The following MBOAT1 variants were observed in gnomAD, a reference collection of about 807,000 sequenced individuals.
MBOAT1 encodes membrane-bound glycerophospholipid O-acyltransferase 1.
Under a neutral mutation model 64.4 loss-of-function variants are expected in MBOAT1, and 67 were observed. That is an observed-to-expected ratio of 1.04 (90% CI 0.85 to 1.27). The LOEUF (loss-of-function observed/expected upper bound fraction) is 1.27. Among genes scored for constraint, MBOAT1 ranks in the 50% most tolerant of loss-of-function variants. The pLI is 0.00. For missense variants in MBOAT1, 563 were observed against 604.6 expected (o/e 0.93, Z 0.72); for synonymous variants, 229 against 218.9 (o/e 1.05, Z -0.41).
intron 10 of MBOAT1, among the ~76,000 whole-genome samples, chr6:20,113,509 AC>A (rs371569487): frequency 1.6e-3 from 248 of 152,222 alleles, no homozygotes; most frequent in Middle Eastern, 3.4e-3. Context: ...CAGCACCATC[AC>A]CCTGTTCATC....
intron 1 of MBOAT1, among the ~76,000 whole-genome samples, chr6:20,160,121 C>T (rs1761807648): frequency 6.6e-6 from 1 of 152,178 alleles, no homozygotes; most frequent in African/African-American, 2.4e-5. Context: ...AAACACATGC[C>T]CAAGTGTTTG....
At chr6:20,111,849 T>TATATATATATAC (rs1561746298) in intron 11 of MBOAT1, among the ~76,000 whole-genome samples, 12 of 80,228 alleles carry the variant, frequency 1.5e-4, no homozygotes, top group Admixed American at 2.7e-4. Context: ...TATATATACA[T>TATATATATATAC]ATATATATAC....
intron 1 of MBOAT1, among the ~76,000 whole-genome samples, chr6:20,169,721 TTAA>T (rs957126193): frequency 1.3e-5 from 2 of 152,192 alleles, no homozygotes; most frequent in African/African-American, 4.8e-5. Flanking sequence ...TTTTAAAAAC[TTAA>T]TAATAAACAC....
At chr6:20,152,359 AAATAAATTAATT>A (rs1307354277) in intron 2 of MBOAT1, among the ~76,000 whole-genome samples, 3 of 142,450 alleles carry the variant, frequency 2.1e-5, no homozygotes, top group East Asian at 4.0e-4. Context: ...ATAAATAAAT[AAATAAATTAATT>A]AATTAATTAA....
At chr6:20,176,354 T>C (rs1277505160) in intron 1 of MBOAT1, among the ~76,000 whole-genome samples, 1 of 152,120 alleles carries the variant, frequency 6.6e-6, no homozygotes, top group African/African-American at 2.4e-5. Context: ...AAGAGCTATT[T>C]AGAACTTCAC....
chr6:20,182,857 CGATT>C (rs1561779584), intron 1 of MBOAT1, among the ~76,000 whole-genome samples: 2 of 152,146 alleles, frequency 1.3e-5, no homozygotes, highest in African/African-American at 4.8e-5. Flanking sequence ...GTGTGTTTTC[CGATT>C]GATTGTCAAC....
intron 8 of MBOAT1, among the ~76,000 whole-genome samples, chr6:20,121,206 A>C (rs949700057): frequency 1.3e-5 from 2 of 152,260 alleles, no homozygotes; most frequent in African/African-American, 4.8e-5. Flanking sequence ...TTAAATTTAT[A>C]ATCATGTGTA....
At chr6:20,183,848 C>A (rs1378570611) in intron 1 of MBOAT1, among the ~76,000 whole-genome samples, 1 of 152,210 alleles carries the variant, frequency 6.6e-6, no homozygotes, top group Non-Finnish European at 1.5e-5. Flanking sequence ...CTCCACATGG[C>A]TGGGGAGGCC....
chr6:20,201,321 T>C (rs1050374151), intron 1 of MBOAT1, among the ~76,000 whole-genome samples: 2 of 151,074 alleles, frequency 1.3e-5, no homozygotes, highest in African/African-American at 4.9e-5. Context: ...TAAGAGACAC[T>C]GTTAAGTTGA....
chr6:20,107,842 C>T (rs1760006704), intron 12 of MBOAT1, among the ~76,000 whole-genome samples: 1 of 151,588 alleles, frequency 6.6e-6, no homozygotes, highest in East Asian at 1.9e-4. Context: ...CCTAGGAGGA[C>T]TCTGTAACAA....
intron 1 of MBOAT1, among the ~76,000 whole-genome samples, chr6:20,188,450 AT>A (rs1762715223): frequency 1.3e-5 from 2 of 152,204 alleles, no homozygotes; most frequent in Non-Finnish European, 2.9e-5. Flanking sequence ...ATTCTGAGGT[AT>A]TACCTGGCAT....
chr6:20,212,220 C>G lies in MBOAT1; in HGVS notation c.15G>C (p.Pro5=), dbSNP rs774634470. ...TGCGGTAGGAAAGGCTGGACGGCTGCGGCTCTGCTGCCATCCTGCATCTTC... is the reference window on the plus strand; with the variant it reads ...TGCGGTAGGAAAGGCTGGACGGCTGGGGCTCTGCTGCCATCCTGCATCTTC... MAAE[P]QPSSLSYRTT... Residue 5 remains proline, a synonymous_variant, in exon 1 of 13, where the codon CCG becomes CCC. Transcript: ENST00000324607. The G allele has an allele frequency of 6.2e-7, 1 of 1,612,400 alleles. No individual in the cohort carries two copies. Among genetic ancestry groups the G allele is most frequent in the Admixed American group, 1.7e-5 (1 of 59,978 alleles).
At chr6:20,187,489 T>G (rs1762686540) in intron 1 of MBOAT1, among the ~76,000 whole-genome samples, 2 of 152,276 alleles carry the variant, frequency 1.3e-5, no homozygotes, top group African/African-American at 4.8e-5. Flanking sequence ...TTTCAGAGAG[T>G]TCACCTTCTC....
At position 20,212,180 on chromosome 6, in the gene MBOAT1, A is replaced by G. The variant is rs1763453362; in HGVS notation, c.55T>C (p.Tyr19His). 6.2e-7 allele frequency: 1 copy of G among 1,613,590 alleles called. No homozygotes were observed. Among genetic ancestry groups the G allele is most frequent in the Non-Finnish European group, 8.5e-7 (1 of 1,179,876 alleles). The change falls in exon 1 of 13, where the codon TAC becomes CAC. Residue 19 changes from tyrosine to histidine, a missense_variant. Transcript: ENST00000324607. ...SLSYRTTGST[Y>H]LHPLSELLGI... ...AGGAGCTCGCTGAGCGGGTGCAGGTAGGTGGAGCCCGTGGTGCGGTAGGAA... is the reference window on the plus strand; with the variant it reads ...AGGAGCTCGCTGAGCGGGTGCAGGTGGGTGGAGCCCGTGGTGCGGTAGGAA...
chr6:20,194,023 T>C (rs1411106714), intron 1 of MBOAT1, among the ~76,000 whole-genome samples: 13 of 152,210 alleles, frequency 8.5e-5, no homozygotes, highest in Admixed American at 8.5e-4. Context: ...GCATATGACC[T>C]TTCCATTCTT....
Position 20,126,501 on chromosome 6 carries a change from G to C in MBOAT1, c.714+16C>G. On this transcript the variant is annotated intron_variant, in intron 7 of 12. Transcript: ENST00000324607. ...CCTGGCAGCAAAACCCTATTCTCTA[G>C]ACACTAAAAACTTACTGTGGGAGAA... 6.3e-7 allele frequency: 1 copy of C among 1,598,244 alleles called. No individual in the cohort carries two copies. The highest frequency in any genetic ancestry group is 8.5e-7 in the Non-Finnish European group (1 of 1,175,170).
intron 1 of MBOAT1, among the ~76,000 whole-genome samples, chr6:20,191,787 T>C (rs754842175): frequency 5.5e-4 from 84 of 152,356 alleles, no homozygotes; most frequent in Non-Finnish European, 4.4e-4. Flanking sequence ...ATAGCTTTTA[T>C]AGCTATATTA....
intron 8 of MBOAT1, among the ~76,000 whole-genome samples, chr6:20,121,146 C>G (rs1760482007): frequency 6.6e-6 from 1 of 152,148 alleles, no homozygotes; most frequent in Non-Finnish European, 1.5e-5. Flanking sequence ...TAGAGCTAGG[C>G]TAACACAGTG....
At chr6:20,152,335 AAAATAAAAAAT>A (rs1418028601) in intron 2 of MBOAT1, among the ~76,000 whole-genome samples, 1 of 71,404 alleles carries the variant, frequency 1.4e-5, no homozygotes, top group Non-Finnish European at 3.0e-5. Context: ...TCAAAAAAAA[AAAATAAAAAAT>A]AAATAAATAA....
Sources: allele counts gnomAD v4.1 joint callset (sites outside exome capture counted in the v4.1 genomes callset), GRCh38; gene constraint gnomAD v4.1.1; transcripts MANE v1.5; gene names NCBI Gene and HGNC (gene_info 2026-07-23, HGNC 2026-07-21).